Variants in TRAP1 observed in about 807,000 individuals in gnomAD.
The protein encoded by TRAP1 is heat shock protein 75 kDa, mitochondrial.
TRAP1 carries 102 observed loss-of-function variants against 89.1 expected under a neutral mutation model. That is an observed-to-expected ratio of 1.15 (90% confidence interval 0.98 to 1.35). The LOEUF is 1.35. Ranked by LOEUF, TRAP1 falls within the 40% of genes most tolerant of loss-of-function variation. The pLI, the probability that TRAP1 is intolerant of heterozygous loss-of-function variation, is 0.00. For missense variants in TRAP1, 1,256 were observed against 945.3 expected (o/e 1.33, Z -4.31); for synonymous variants, 508 against 388.0 (o/e 1.31, Z -3.64).
intron 7 of TRAP1, among the ~76,000 whole-genome samples, chr16:3,675,637 A>G (rs1040789326): frequency 8.5e-5 from 13 of 152,178 alleles, no homozygotes; most frequent in South Asian, 2.1e-4. Context: ...CGAGACTGCA[A>G]TGTCAGCTTG....
chr16:3,663,478 T>C lies in TRAP1; in HGVS notation c.1654A>G (p.Thr552Ala), dbSNP rs2050739085. 3.1e-6 allele frequency: 5 copies of C among 1,613,956 alleles called. No individual in the cohort carries two copies. Among genetic ancestry groups the C allele is most frequent in the Non-Finnish European group, 4.2e-6 (5 of 1,179,986 alleles). ...FDKKKLISVETDIVVDHYKEE... is the reference protein window; with the variant it reads ...FDKKKLISVEADIVVDHYKEE... Reference sequence around the variant, plus strand: ...TTGTAGTGATCCACGACTATGTCCGTCTCCACAGAGATCAGCTTCTTCTTG... The same window carrying C: ...TTGTAGTGATCCACGACTATGTCCGCCTCCACAGAGATCAGCTTCTTCTTG... The change falls in exon 14 of 18, where the codon ACG becomes GCG. Residue 552 changes from threonine (T) to alanine (A), a missense_variant. Physicochemically the swap from Thr to Ala is moderately conservative, Grantham distance 58. Transcript: ENST00000246957.
At chr16:3,658,738 G>A in intron 17 of TRAP1, 55 bp downstream of exon 17, 1 of 1,542,884 alleles carries the variant, frequency 6.5e-7, no homozygotes, top group Non-Finnish European at 8.9e-7. Flanking sequence ...CTGAAGGCAG[G>A]CTGGCAGGGC....
intron 1 of TRAP1, among the ~76,000 whole-genome samples, chr16:3,712,585 C>T (rs927445481): frequency 2.0e-5 from 3 of 152,112 alleles, no homozygotes; most frequent in East Asian, 3.9e-4. Flanking sequence ...CCAATAAACG[C>T]TTTGCTAATC....
Position 3,662,963 on chromosome 16 carries a change from G to A in TRAP1, c.1713C>T (p.Ala571=), listed in dbSNP as rs144965528. 827 of 1,608,764 alleles carry A rather than the reference G, an allele frequency of 5.1e-4. 3 individuals are homozygous for A. The highest frequency in any genetic ancestry group is 9.9e-4 in the Middle Eastern group (6 of 6,068). The part of the protein sequence containing the change: ...EEKFEDRSPA[A]ECLSEKETEE... ...CCGTCTCCTTCTCTGATAGGCACTC[G>A]GCGGCTGCGGAAGAGCAGGCGACAG... Residue 571 remains alanine, a synonymous_variant, in exon 15 of 18, where the codon GCC becomes GCT. Coordinates refer to ENST00000246957, the MANE Select transcript of TRAP1 (RefSeq NM_016292.3).
chr16:3,715,717 C>G (rs756358096), intron 1 of TRAP1, among the ~76,000 whole-genome samples: 1 of 152,236 alleles, frequency 6.6e-6, no homozygotes, highest in South Asian at 2.1e-4. Flanking sequence ...GAGGGCAAGG[C>G]AGGCAGATCA....
chr16:3,690,370 A>T (rs1489037664), intron 2 of TRAP1, among the ~76,000 whole-genome samples: 1 of 152,146 alleles, frequency 6.6e-6, no homozygotes, highest in Non-Finnish European at 1.5e-5. Context: ...AGAAAACCTC[A>T]CTTCTCTTTT....
intron 11 of TRAP1, 104 bp from the exon 12 acceptor site, chr16:3,666,222 G>T: frequency 7.1e-7 from 1 of 1,399,974 alleles, no homozygotes; most frequent in Non-Finnish European, 9.6e-7. Context: ...TCAAAGAAGT[G>T]AAAACAACAA....
At chr16:3,685,086 A>T (rs2051121071) in intron 4 of TRAP1, among the ~76,000 whole-genome samples, 1 of 152,220 alleles carries the variant, frequency 6.6e-6, no homozygotes, top group Non-Finnish European at 1.5e-5. Flanking sequence ...ATTTTCAATC[A>T]TCTGCAAGGA....
intron 1 of TRAP1, among the ~76,000 whole-genome samples, chr16:3,707,692 A>G (rs1429463525): frequency 4.0e-5 from 6 of 151,054 alleles, no homozygotes; most frequent in Non-Finnish European, 8.9e-5. Context: ...CGTCTCTACC[A>G]AAAATACAAA....
At chr16:3,710,545 T>C (rs369534413) in intron 1 of TRAP1, 4 of 152,324 alleles carry the variant, frequency 2.6e-5, no homozygotes, top group South Asian at 4.1e-4. Flanking sequence ...CATCAAATGA[T>C]GGAGTGTTCT....
intron 1 of TRAP1, among the ~76,000 whole-genome samples, chr16:3,700,015 T>C (rs775384712): frequency 1.3e-5 from 2 of 151,740 alleles, no homozygotes; most frequent in African/African-American, 2.4e-5. Flanking sequence ...TGCCAGCATA[T>C]GACATTTCCC....
chr16:3,690,385 T>C (rs948514005), intron 2 of TRAP1, among the ~76,000 whole-genome samples: 12 of 152,180 alleles, frequency 7.9e-5, no homozygotes, highest in Non-Finnish European at 1.3e-4. Context: ...TCTTTTTAAC[T>C]TCAAAGATTC....
At position 3,689,052 on chromosome 16, in the gene TRAP1, C is replaced by T. The variant is rs534486042; in HGVS notation, c.330+3G>A. On this transcript the variant is annotated splice_donor_region_variant and intron_variant, in intron 3 of 17. Coordinates refer to ENST00000246957, the MANE Select transcript of TRAP1 (RefSeq NM_016292.3). ...CATCGGGCATGGTTAGCAGGGAACGCACCTCTTTTTCTGAGTACAGGGACC... is the reference window on the plus strand; with the variant it reads ...CATCGGGCATGGTTAGCAGGGAACGTACCTCTTTTTCTGAGTACAGGGACC... 6.2e-7 allele frequency: 1 copy of T among 1,610,060 alleles called. No homozygotes were observed. Among genetic ancestry groups the T allele is most frequent in the African/African-American group, 1.3e-5 (1 of 74,876 alleles).
In TRAP1 at chr16:3,676,047, G is replaced by A. The variant is rs1382990374; in HGVS notation, c.803C>T (p.Ala268Val). Residue 268 changes from alanine (A) to valine (V), a missense_variant, in exon 7 of 18, where the codon GCC becomes GTC. Physicochemically the swap from Ala to Val is moderately conservative, Grantham distance 64. Transcript: ENST00000246957. ...KSDCKEFSSEARVRDVVTKYS... is the reference protein window; with the variant it reads ...KSDCKEFSSEVRVRDVVTKYS... ...GGGCTCCCGCTCACCTCGCACCCGGGCCTCGCTGGAAAACTCCTTGCAGTC... is the reference window on the plus strand; with the variant it reads ...GGGCTCCCGCTCACCTCGCACCCGGACCTCGCTGGAAAACTCCTTGCAGTC... 2.5e-6 allele frequency: 4 copies of A among 1,613,418 alleles called. No homozygotes were observed. The Admixed American group carries it at 5.0e-5, about 20-fold the overall frequency.
chr16:3,709,605 G>T (rs551275611), intron 1 of TRAP1, among the ~76,000 whole-genome samples: 4 of 152,116 alleles, frequency 2.6e-5, no homozygotes, highest in African/African-American at 7.2e-5. Flanking sequence ...TGCAAGGTAC[G>T]GAAGATTACA....
chr16:3,661,958 G>A, intron 16 of TRAP1, 29 bp downstream of exon 16: 8 of 1,570,246 alleles, frequency 5.1e-6, no homozygotes, highest in Non-Finnish European at 6.9e-6. Context: ...GAATCCCACA[G>A]GCTGGAAGAG....
At chr16:3,672,225 A>AC (rs2050923498) in intron 10 of TRAP1, among the ~76,000 whole-genome samples, 1 of 151,928 alleles carries the variant, frequency 6.6e-6, no homozygotes, top group Non-Finnish European at 1.5e-5. Flanking sequence ...AATCCCAGCT[A>AC]CTCGGGAGGC....
At chr16:3,705,348 C>A (rs915011198) in intron 1 of TRAP1, among the ~76,000 whole-genome samples, 1 of 152,084 alleles carries the variant, frequency 6.6e-6, no homozygotes, top group Admixed American at 6.6e-5. Context: ...GGATTACAGG[C>A]ATGAGCCACC....
chr16:3,706,554 G>A (rs985601853), intron 1 of TRAP1, among the ~76,000 whole-genome samples: 1 of 150,140 alleles, frequency 6.7e-6, no homozygotes, highest in Admixed American at 6.7e-5. Flanking sequence ...CAAACTCCTG[G>A]GCTCGAGCAA....
Sources: gnomAD v4.1 joint callset for allele counts (sites outside exome capture counted in the v4.1 genomes callset) on GRCh38, gnomAD v4.1.1 for gene constraint, MANE v1.5 for transcripts, NCBI Gene and HGNC (gene_info 2026-07-23, HGNC 2026-07-21) for gene names.